UBE2E2: variants seen among roughly 807,000 people sequenced by gnomAD.
The protein encoded by UBE2E2 is ubiquitin-conjugating enzyme E2 E2.
Under a neutral mutation model 24.7 loss-of-function variants are expected in UBE2E2, and 6 were observed. The ratio of observed to expected loss-of-function variants is 0.24; its 90% confidence interval spans 0.13 to 0.48. UBE2E2 has a LOEUF of 0.48. Among genes scored for constraint, UBE2E2 ranks in the 20% least tolerant of loss-of-function variants. The probability of loss-of-function intolerance (pLI) is 0.99; values close to 1 mark genes in which losing one functional copy is unlikely to be tolerated. For synonymous variants in UBE2E2, 104 were observed against 83.6 expected, an observed-to-expected ratio of 1.24 and a Z score of -1.33; for missense variants, 169 against 245.0, an observed-to-expected ratio of 0.69 and a Z score of 2.07.
chr3:23,472,895 C>G (rs963321524), intron 3 of UBE2E2, among the ~76,000 whole-genome samples: 1 of 152,066 alleles, frequency 6.6e-6, no homozygotes, highest in African/African-American at 2.4e-5. Flanking sequence ...TCAAGCGATC[C>G]TCTCACCTTG....
intron 3 of UBE2E2, among the ~76,000 whole-genome samples, chr3:23,351,307 G>A (rs932384586): frequency 1.1e-4 from 16 of 152,126 alleles, no homozygotes; most frequent in African/African-American, 3.9e-4. Flanking sequence ...AACCATCAAG[G>A]CTAGGAAGAA....
intron 5 of UBE2E2, among the ~76,000 whole-genome samples, chr3:23,579,260 C>G (rs1199852113): frequency 1.3e-5 from 2 of 151,898 alleles, no homozygotes; most frequent in African/African-American, 4.8e-5. Flanking sequence ...TGGCAGGTGC[C>G]TGTAGTTCCA....
At chr3:23,522,302 G>T (rs780996349) in intron 4 of UBE2E2, among the ~76,000 whole-genome samples, 2 of 151,678 alleles carry the variant, frequency 1.3e-5, no homozygotes, top group African/African-American at 4.8e-5. Flanking sequence ...GGCTAATTTT[G>T]TGCATTTTTA....
chr3:23,247,255 G>C (rs919519009), intron 3 of UBE2E2, among the ~76,000 whole-genome samples: 7 of 151,836 alleles, frequency 4.6e-5, no homozygotes, highest in African/African-American at 1.7e-4. Context: ...TGTAAAACTA[G>C]GTTGGTTTCA....
intron 3 of UBE2E2, among the ~76,000 whole-genome samples, chr3:23,480,641 AAAAAAG>A (rs1333423300): frequency 1.1e-4 from 16 of 149,816 alleles, no homozygotes; most frequent in African/African-American, 3.7e-4. Context: ...AAAAAAAAAA[AAAAAAG>A]AAGAGGATTC....
At chr3:23,334,469 G>A (rs1268836793) in intron 3 of UBE2E2, among the ~76,000 whole-genome samples, 1 of 152,084 alleles carries the variant, frequency 6.6e-6, no homozygotes, top group Non-Finnish European at 1.5e-5. Context: ...AAAGATTTTA[G>A]TGTACAAAAA....
intron 3 of UBE2E2, among the ~76,000 whole-genome samples, chr3:23,425,952 G>T (rs1697915812): frequency 6.6e-6 from 1 of 152,078 alleles, no homozygotes; most frequent in Non-Finnish European, 1.5e-5. Context: ...ATCATATCAG[G>T]AATTTAAAAC....
intron 3 of UBE2E2, among the ~76,000 whole-genome samples, chr3:23,490,551 G>T (rs927549860): frequency 6.6e-6 from 1 of 152,052 alleles, no homozygotes; most frequent in Non-Finnish European, 1.5e-5. Context: ...TCATTGCAAG[G>T]TATCCACACA....
chr3:23,343,243 A>G (rs1475806122), intron 3 of UBE2E2, among the ~76,000 whole-genome samples: 2 of 152,114 alleles, frequency 1.3e-5, no homozygotes, highest in Non-Finnish European at 2.9e-5. Flanking sequence ...TGGAAAAAAA[A>G]AAGCAAGACG....
At chr3:23,255,642 GCTCT>G (rs1457542726) in intron 3 of UBE2E2, among the ~76,000 whole-genome samples, 1 of 152,074 alleles carries the variant, frequency 6.6e-6, no homozygotes, top group Non-Finnish European at 1.5e-5. Flanking sequence ...ATCAGTCTAA[GCTCT>G]CTCTTTTTTC....
Position 23,584,726 on chromosome 3 carries a change from G to GTTTTTTTT in UBE2E2, c.509-4990_509-4983dup, listed in dbSNP as rs1158915900. On this transcript the variant is annotated intron_variant, in intron 5 of 5. Coordinates refer to ENST00000396703, the MANE Select transcript of UBE2E2 (RefSeq NM_152653.4). ...ATGCCACCACACCCAGCTGTTTTTT[G>GTTTTTTTT]TTTTTTTTTTTTTTTTTTTTTTTTT... Among the ~76,000 whole-genome samples, 150 of 113,484 alleles carry GTTTTTTTT rather than the reference G, an allele frequency of 1.3e-3. 1 individual carries two copies. Among genetic ancestry groups the GTTTTTTTT allele is most frequent in the Non-Finnish European group, 1.6e-3 (90 of 57,128 alleles). The allele number at this position is 113,484 out of a possible 152,430, so 74.4% of individuals were successfully genotyped here.
At chr3:23,248,922 G>C (rs1010499821) in intron 3 of UBE2E2, among the ~76,000 whole-genome samples, 3 of 152,166 alleles carry the variant, frequency 2.0e-5, no homozygotes, top group Non-Finnish European at 2.9e-5. Context: ...ACTGATTTAA[G>C]AGCTATTCAA....
chr3:23,550,591 T>C (rs1359061683), intron 5 of UBE2E2, among the ~76,000 whole-genome samples: 6 of 152,204 alleles, frequency 3.9e-5, no homozygotes, highest in African/African-American at 1.4e-4. Context: ...CTCAACTTTT[T>C]CACTTCTGCT....
intron 3 of UBE2E2, among the ~76,000 whole-genome samples, chr3:23,408,688 C>G (rs1336215140): frequency 6.6e-6 from 1 of 152,166 alleles, no homozygotes; most frequent in African/African-American, 2.4e-5. Context: ...CTCCCTGGAG[C>G]AGCTCTGAGC....
chr3:23,324,789 A>AT (rs1163166627), intron 3 of UBE2E2, among the ~76,000 whole-genome samples: 5 of 124,214 alleles, frequency 4.0e-5, no homozygotes, highest in South Asian at 5.1e-4. Context: ...GGAGAAAAGA[A>AT]TTTAAAAAAA....
At chr3:23,465,584 C>G (rs1698904130) in intron 3 of UBE2E2, among the ~76,000 whole-genome samples, 1 of 152,154 alleles carries the variant, frequency 6.6e-6, no homozygotes, top group Admixed American at 6.5e-5. Flanking sequence ...ATTGGAAATT[C>G]ATTAGCCAGA....
At chr3:23,317,080 A>G (rs148747851) in intron 3 of UBE2E2, among the ~76,000 whole-genome samples, 161 of 152,228 alleles carry the variant, frequency 1.1e-3, no homozygotes, top group African/African-American at 3.7e-3. Flanking sequence ...TTGGGTAAGC[A>G]TGGTGCATAC....
intron 3 of UBE2E2, among the ~76,000 whole-genome samples, chr3:23,289,304 T>C (rs770763868): frequency 1.3e-5 from 2 of 152,268 alleles, no homozygotes; most frequent in South Asian, 2.1e-4. Context: ...AGGTCTGTTA[T>C]GCTTTTCTTT....
At chr3:23,388,124 A>C (rs778572517) in intron 3 of UBE2E2, among the ~76,000 whole-genome samples, 2 of 152,216 alleles carry the variant, frequency 1.3e-5, no homozygotes, top group African/African-American at 4.8e-5. Context: ...ACCTTTTTCA[A>C]AGAAATTAAG....
Sources: allele counts gnomAD v4.1 joint callset (sites outside exome capture counted in the v4.1 genomes callset), GRCh38; gene constraint gnomAD v4.1.1; transcripts MANE v1.5; gene names NCBI Gene and HGNC (gene_info 2026-07-23, HGNC 2026-07-21).